DNAL1: variants seen among roughly 807,000 people sequenced by gnomAD.
DNAL1 encodes dynein axonemal light chain 1, also known as chromosome 14 open reading frame 168.
A neutral mutation model predicts 29.4 loss-of-function variants in DNAL1; 17 were observed. The ratio of observed to expected loss-of-function variants is 0.58; its 90% confidence interval spans 0.40 to 0.87. DNAL1 has a LOEUF of 0.87. Among genes scored for constraint, DNAL1 ranks in the 40% least tolerant of loss-of-function variants. DNAL1 has a pLI of 0.00. For missense variants in DNAL1, 188 were observed against 214.1 expected, an observed-to-expected ratio of 0.88 and a Z score of 0.76; for synonymous variants, 78 against 76.3, an observed-to-expected ratio of 1.02 and a Z score of -0.12.
chr14:73,674,879 T>C lies in DNAL1; in HGVS notation c.264+3282T>C, dbSNP rs372763633. 8.6e-4 allele frequency among the ~76,000 whole-genome samples: 131 copies of C among 151,910 alleles called. 1 individual carries two copies. Among genetic ancestry groups the C allele is most frequent in the Middle Eastern group, 3.4e-3 (1 of 294 alleles). On this transcript the variant is annotated intron_variant, in intron 5 of 7. Transcript: ENST00000553645. ...GAGTAACTATTTTTTTGAGCCAGGGTCTCACTGTGTCGCCCAGGCTGGAGT... is the reference window on the plus strand; with the variant it reads ...GAGTAACTATTTTTTTGAGCCAGGGCCTCACTGTGTCGCCCAGGCTGGAGT...
Position 73,658,922 on chromosome 14 carries a change from A to G in DNAL1, c.118A>G (p.Met40Val). The G allele has an allele frequency of 1.3e-6, 2 of 1,569,010 alleles. No individual in the cohort carries two copies. Among genetic ancestry groups the G allele is most frequent in the Non-Finnish European group, 1.7e-6 (2 of 1,156,608 alleles). ...TGCCCAGATTCCCCCTATAGAGAAG[A>G]TGGATGCATCCTTGTCCATGCTTGC... ...LYAQIPPIEKMDASLSMLANC... is the reference protein window; with the variant it reads ...LYAQIPPIEKVDASLSMLANC... The change falls in exon 3 of 8, where the codon ATG (methionine) becomes GTG (valine). Residue 40 changes from methionine (M) to valine (V), a missense_variant. Met to Val is a conservative substitution (Grantham distance 21). Transcript: ENST00000553645.
intron 5 of DNAL1, among the ~76,000 whole-genome samples, chr14:73,686,292 T>A (rs1892017928): frequency 6.6e-6 from 1 of 152,218 alleles, no homozygotes; most frequent in African/African-American, 2.4e-5. Flanking sequence ...TCAGCTTATT[T>A]AATGACAGAT....
intron 1 of DNAL1, among the ~76,000 whole-genome samples, chr14:73,647,311 G>A (rs1009723270): frequency 9.5e-5 from 14 of 147,664 alleles, no homozygotes; most frequent in Non-Finnish European, 1.6e-4. Context: ...CTTGCAGTGA[G>A]CTGAGATTGA....
chr14:73,683,688 A>T (rs1400532190), intron 5 of DNAL1, among the ~76,000 whole-genome samples: 14 of 126,116 alleles, frequency 1.1e-4, no homozygotes, highest in African/African-American at 4.5e-4. Flanking sequence ...AGCTTTTTTT[A>T]TTTATTTATT....
intron 7 of DNAL1, among the ~76,000 whole-genome samples, chr14:73,691,719 A>G (rs1008314202): frequency 6.6e-6 from 1 of 151,550 alleles, no homozygotes; most frequent in Non-Finnish European, 1.5e-5. Context: ...TTTTTTTTAG[A>G]GTCTGGCTCT....
At chr14:73,679,895 T>C (rs569063240) in intron 5 of DNAL1, among the ~76,000 whole-genome samples, 1 of 152,026 alleles carries the variant, frequency 6.6e-6, no homozygotes, top group South Asian at 2.1e-4. Flanking sequence ...TTTTTTTCTT[T>C]AATTGGTTAG....
At chr14:73,663,670 C>G (rs1891408657) in intron 4 of DNAL1, among the ~76,000 whole-genome samples, 1 of 152,056 alleles carries the variant, frequency 6.6e-6, no homozygotes, top group Non-Finnish European at 1.5e-5. Context: ...TCACTGGTCT[C>G]ATTATCTAAG....
Position 73,645,011 on chromosome 14 carries a change from C to T in DNAL1, c.-29C>T, listed in dbSNP as rs1274908595. 7 of 1,608,482 alleles carry T rather than the reference C, an allele frequency of 4.4e-6. No homozygotes were observed. The Admixed American group carries it at 5.1e-5, about 12-fold the overall frequency. On this transcript the variant is annotated 5_prime_UTR_variant, in exon 1 of 8. Coordinates refer to ENST00000553645, the MANE Select transcript of DNAL1 (RefSeq NM_031427.4). ...GCACTGACCCCGCGGGCCCTAGCAA[C>T]CAGAGCAGTGACAGTAGCAACCGCC...
At chr14:73,653,942 G>A (rs184892405) in intron 1 of DNAL1, among the ~76,000 whole-genome samples, 2 of 152,198 alleles carry the variant, frequency 1.3e-5, no homozygotes, top group Non-Finnish European at 2.9e-5. Flanking sequence ...ATTGAACTAT[G>A]ACAAATACTT....
At chr14:73,666,787 G>A (rs561320057) in intron 4 of DNAL1, among the ~76,000 whole-genome samples, 28 of 152,210 alleles carry the variant, frequency 1.8e-4, no homozygotes, top group Admixed American at 5.2e-4. Context: ...ATGAATCAGC[G>A]TATTTTTTGA....
intron 3 of DNAL1, among the ~76,000 whole-genome samples, chr14:73,660,857 TC>T (rs1358005570): frequency 1.3e-5 from 2 of 152,314 alleles, no homozygotes; most frequent in Admixed American, 6.5e-5. Context: ...TCACCTCGAG[TC>T]AACCTGTTCA....
chr14:73,687,405 T>G lies in DNAL1; in HGVS notation c.391+20T>G. The G allele has an allele frequency of 6.4e-7, 1 of 1,554,526 alleles. No individual in the cohort carries two copies. The highest frequency in any genetic ancestry group is 8.7e-7 in the Non-Finnish European group (1 of 1,151,484). On this transcript the variant is annotated intron_variant, in intron 6 of 7. Transcript: ENST00000553645. ...ACTGGGGTAAGCTGAGAGTGGCCCT[T>G]TGCTAACCTTCTACCGCCTGTTTAT... is the stretch of plus-strand genomic sequence containing the variant.
rs1487879649 is a variant in DNAL1 at position 73,699,846 on chromosome 14, C to T, written c.*3904C>T. 1 of 152,164 alleles carries T rather than the reference C, an allele frequency of 6.6e-6. No individual in the cohort carries two copies. Among genetic ancestry groups the T allele is most frequent in the Non-Finnish European group, 1.5e-5 (1 of 68,042 alleles). The allele number at this position is 152,164 out of a possible 1,614,324, so 9.4% of individuals were successfully genotyped here. A position where few individuals can be genotyped will look rare whatever the true frequency, so the allele number is the denominator to read the frequency against. ...AGAAAATAGGTCATCATTCTTTAAG[C>T]GTCATTCATTGTCTAATCACATAAT... On this transcript the variant is annotated 3_prime_UTR_variant, in exon 8 of 8. Transcript: ENST00000553645.
intron 5 of DNAL1, among the ~76,000 whole-genome samples, chr14:73,675,231 C>A (rs572990155): frequency 5.9e-5 from 9 of 151,928 alleles, no homozygotes; most frequent in African/African-American, 1.9e-4. Flanking sequence ...CACACACACA[C>A]AAATCCTAAT....
intron 7 of DNAL1, among the ~76,000 whole-genome samples, chr14:73,690,652 C>CAA (rs1256253887): frequency 9.0e-5 from 9 of 100,294 alleles, no homozygotes; most frequent in East Asian, 2.9e-4. Flanking sequence ...AACTCCGTCT[C>CAA]AAAAAAAAAA....
Position 73,647,396 on chromosome 14 carries a change from AAAAG to A in DNAL1, c.3+2358_3+2361del, listed in dbSNP as rs200846636. ...AAAAAAAAAAAGAAAAAGAAAAAGA[AAAAG>A]AAATATGTTTCACCATTGGACACTT... is the stretch of plus-strand genomic sequence containing the variant. On this transcript the variant is annotated intron_variant, in intron 1 of 7. Transcript: ENST00000553645. Among the ~76,000 whole-genome samples the A allele has an allele frequency of 1.1e-3, 153 of 144,194 alleles. 1 individual carries two copies. Among genetic ancestry groups the A allele is most frequent in the African/African-American group, 3.2e-3 (109 of 34,384 alleles). The allele number at this position is 144,194 out of a possible 152,430, so 94.6% of individuals were successfully genotyped here.
chr14:73,645,369 A>C (rs1890955309), intron 1 of DNAL1, among the ~76,000 whole-genome samples: 1 of 151,842 alleles, frequency 6.6e-6, no homozygotes, highest in Admixed American at 6.6e-5. Context: ...AGATAAAGAT[A>C]TCTCTTTACA....
chr14:73,667,802 C>A (rs1488748929), intron 4 of DNAL1, among the ~76,000 whole-genome samples: 1 of 152,182 alleles, frequency 6.6e-6, no homozygotes, highest in East Asian at 1.9e-4. Flanking sequence ...CACTGCTGAG[C>A]CATATTTATC....
At chr14:73,669,529 C>T (rs1012668439) in intron 4 of DNAL1, among the ~76,000 whole-genome samples, 8 of 152,266 alleles carry the variant, frequency 5.3e-5, no homozygotes, top group Admixed American at 4.6e-4. Context: ...CCCGCCTCGG[C>T]CTCCCAAAGT....
Sources: allele counts gnomAD v4.1 joint callset (sites outside exome capture counted in the v4.1 genomes callset), GRCh38; gene constraint gnomAD v4.1.1; transcripts MANE v1.5; gene names NCBI Gene and HGNC (gene_info 2026-07-23, HGNC 2026-07-21).